CDH13: variants seen among roughly 807,000 people sequenced by gnomAD.
CDH13 encodes cadherin-13.
Under a neutral mutation model 63.8 loss-of-function variants are expected in CDH13, and 24 were observed. The observed-to-expected ratio is 0.38, with a 90% CI of 0.27 to 0.53. CDH13 has a LOEUF of 0.53. Ranked by LOEUF, CDH13 falls within the 20% of genes least tolerant of loss-of-function variation. The probability of loss-of-function intolerance (pLI) is 0.85; values close to 1 mark genes in which losing one functional copy is unlikely to be tolerated. For synonymous variants in CDH13, 503 were observed against 355.3 expected, an observed-to-expected ratio of 1.42 and a Z score of -4.67; for missense variants, 1,049 against 903.1, an observed-to-expected ratio of 1.16 and a Z score of -2.07.
intron 2 of CDH13, among the ~76,000 whole-genome samples, chr16:82,989,062 A>T (rs1567722262): frequency 6.6e-6 from 1 of 152,218 alleles, no homozygotes; most frequent in Non-Finnish European, 1.5e-5. Flanking sequence ...TGAAATTGAA[A>T]TATAGGGTAA....
intron 5 of CDH13, among the ~76,000 whole-genome samples, chr16:83,308,151 T>A (rs1286117462): frequency 6.6e-6 from 1 of 152,176 alleles, no homozygotes; most frequent in Admixed American, 6.5e-5. Flanking sequence ...TCATTACTAT[T>A]CAATATATTT....
intron 6 of CDH13, among the ~76,000 whole-genome samples, chr16:83,469,712 C>T (rs1345725136): frequency 6.6e-6 from 1 of 152,186 alleles, no homozygotes; most frequent in Non-Finnish European, 1.5e-5. Flanking sequence ...AGCACAGGGC[C>T]TGCCACAAAA....
chr16:83,766,405 T>G (rs1190690037), intron 11 of CDH13, among the ~76,000 whole-genome samples: 1 of 152,252 alleles, frequency 6.6e-6, no homozygotes, highest in African/African-American at 2.4e-5. Context: ...CCACAATTAC[T>G]TGTGCATCAA....
At chr16:83,216,587 T>C (rs186027491) in intron 4 of CDH13, among the ~76,000 whole-genome samples, 3 of 143,646 alleles carry the variant, frequency 2.1e-5, no homozygotes, top group African/African-American at 7.6e-5. Context: ...ATATATATAT[T>C]AATATATAAT....
intron 3 of CDH13, among the ~76,000 whole-genome samples, chr16:83,064,013 T>G (rs572210902): frequency 2.5e-3 from 379 of 152,244 alleles, no homozygotes; most frequent in African/African-American, 8.8e-3. Context: ...CCAGAAAAAG[T>G]CAGATGAGTG....
rs774233746 is a variant in CDH13, at chr16:83,597,059, C to CA, written c.961-5389dup. ...GCAATACAGGGAGACCCTGTCTCTA[C>CA]AAAAAATACAAAAATTAGCCAGGTG... On this transcript the variant is annotated intron_variant, in intron 7 of 13. Coordinates refer to ENST00000567109, the MANE Select transcript of CDH13 (RefSeq NM_001257.5). 1.1e-4 allele frequency among the ~76,000 whole-genome samples: 16 copies of CA among 152,174 alleles called. No individual in the cohort carries two copies. In the East Asian group the frequency reaches 3.1e-3, roughly 29 times the overall value.
intron 10 of CDH13, among the ~76,000 whole-genome samples, chr16:83,695,539 G>T (rs1305132515): frequency 6.6e-6 from 1 of 152,206 alleles, no homozygotes. Context: ...GCAATGTTGA[G>T]TAAACTGTGA....
At chr16:82,974,329 C>G (rs893677223) in intron 2 of CDH13, among the ~76,000 whole-genome samples, 1 of 152,168 alleles carries the variant, frequency 6.6e-6, no homozygotes, top group Non-Finnish European at 1.5e-5. Context: ...CTTCCACATC[C>G]TTCACTTTTC....
intron 1 of CDH13, among the ~76,000 whole-genome samples, chr16:82,671,982 C>T (rs1372597834): frequency 6.6e-6 from 1 of 152,192 alleles, no homozygotes; most frequent in Non-Finnish European, 1.5e-5. Flanking sequence ...TGCCCTGAGA[C>T]TATCACCTGC....
chr16:83,061,798 C>T (rs1217283887), intron 3 of CDH13, among the ~76,000 whole-genome samples: 1 of 152,206 alleles, frequency 6.6e-6, no homozygotes, highest in Admixed American at 6.5e-5. Context: ...GAATCTGTGT[C>T]TCAGTCTCCC....
intron 2 of CDH13, among the ~76,000 whole-genome samples, chr16:82,994,237 C>T (rs1021797943): frequency 6.6e-6 from 1 of 152,220 alleles, no homozygotes; most frequent in Non-Finnish European, 1.5e-5. Context: ...CTTAGCTTTT[C>T]TGTTCAGTTC....
intron 10 of CDH13, among the ~76,000 whole-genome samples, chr16:83,732,267 G>C (rs1276450940): frequency 2.0e-5 from 3 of 152,196 alleles, no homozygotes; most frequent in Non-Finnish European, 4.4e-5. Context: ...GGCCACCTTA[G>C]ATGGGCTGGT....
At chr16:82,911,761 C>T (rs1347569240) in intron 2 of CDH13, among the ~76,000 whole-genome samples, 2 of 152,108 alleles carry the variant, frequency 1.3e-5, no homozygotes, top group African/African-American at 2.4e-5. Context: ...GTCTGCTGAG[C>T]CTAGGTCCCT....
chr16:83,603,819 A>T (rs1039523328), intron 8 of CDH13, among the ~76,000 whole-genome samples: 10 of 152,256 alleles, frequency 6.6e-5, no homozygotes, highest in African/African-American at 2.4e-4. Context: ...TTGGCTCATG[A>T]TTCTGCAAGC....
chr16:82,919,129 C>G (rs116609131), intron 2 of CDH13, among the ~76,000 whole-genome samples: 2,297 of 152,054 alleles, frequency 0.015, 62 homozygotes, highest in African/African-American at 0.048. Context: ...TTTTTGTTGG[C>G]CTATATATTC....
intron 2 of CDH13, among the ~76,000 whole-genome samples, chr16:82,914,718 C>G (rs1455045840): frequency 6.6e-6 from 1 of 152,190 alleles, no homozygotes; most frequent in Non-Finnish European, 1.5e-5. Flanking sequence ...TGAAATGGAA[C>G]ACGGCTGTCC....
At chr16:83,399,919 T>C (rs58431253) in intron 6 of CDH13, among the ~76,000 whole-genome samples, 1 of 152,148 alleles carries the variant, frequency 6.6e-6, no homozygotes, top group Non-Finnish European at 1.5e-5. Context: ...AGTTTAAATA[T>C]GTGATGTAAA....
At chr16:83,716,428 C>T (rs1175689370) in intron 10 of CDH13, among the ~76,000 whole-genome samples, 1 of 152,144 alleles carries the variant, frequency 6.6e-6, no homozygotes, top group Non-Finnish European at 1.5e-5. Context: ...CCCGTACATC[C>T]CTCCTTCCCG....
At chr16:83,122,857 T>C (rs2035646276) in intron 3 of CDH13, among the ~76,000 whole-genome samples, 4 of 152,114 alleles carry the variant, frequency 2.6e-5, no homozygotes, top group African/African-American at 9.7e-5. Context: ...AAGTGTGGCC[T>C]TTTAGTGAAC....
Sources: allele counts gnomAD v4.1 joint callset (sites outside exome capture counted in the v4.1 genomes callset), GRCh38; gene constraint gnomAD v4.1.1; transcripts MANE v1.5; gene names NCBI Gene and HGNC (gene_info 2026-07-23, HGNC 2026-07-21).